The following GPHN variants were observed in gnomAD, a reference collection of about 807,000 sequenced individuals.
The protein encoded by GPHN is gephyrin.
In GPHN, 17 loss-of-function variants were observed where a neutral mutation model predicts 95.5. The observed-to-expected ratio is 0.18, with a 90% CI of 0.12 to 0.27. The LOEUF is 0.27. GPHN is among the 10% of genes least tolerant of loss of function. The pLI, the probability that GPHN is intolerant of heterozygous loss-of-function variation, is 1.00. For missense variants in GPHN, 660 were observed against 978.1 expected, an observed-to-expected ratio of 0.67 and a Z score of 4.34; for synonymous variants, 320 against 322.5, an observed-to-expected ratio of 0.99 and a Z score of 0.08.
rs554632423 is a variant in GPHN at position 66,621,426 on chromosome 14, ATCT to A, written c.65-59679_65-59677del. Among the ~76,000 whole-genome samples, 267 of 122,432 alleles carry A rather than the reference ATCT, an allele frequency of 2.2e-3. 1 individual carries two copies. Among genetic ancestry groups the A allele is most frequent in the African/African-American group, 0.011 (255 of 23,054 alleles). 80.3% of individuals were successfully genotyped at this position (122,432 alleles called of 152,430 possible). A position where few individuals can be genotyped will look rare whatever the true frequency, so the allele number is the denominator to read the frequency against. On this transcript the variant is annotated intron_variant, in intron 1 of 22. Transcript: ENST00000478722. ...CACAGTGCCTGGCCAGGGCTGTCAA[ATCT>A]TTTTTTTTTTTTTGAGACAGAGTCT...
the GPHN span, among the ~76,000 whole-genome samples, chr14:67,323,246 T>TGG: frequency 7.1e-6 from 1 of 141,754 alleles, no homozygotes; most frequent in African/African-American, 2.9e-5. Context: ...TGTGTGTGTG[T>TGG]GTGTGTGTGT....
chr14:67,698,324 G>A, the GPHN span, among the ~76,000 whole-genome samples: 2 of 152,198 alleles, frequency 1.3e-5, no homozygotes, highest in African/African-American at 4.8e-5. Context: ...AAATTAGCTA[G>A]GCATGGTGGT....
chr14:67,678,186 C>T, the GPHN span: 1 of 619,576 alleles, frequency 1.6e-6, no homozygotes, highest in Non-Finnish European at 2.9e-6. Flanking sequence ...TTTAACTGGA[C>T]ACCAAGCAGG....
the GPHN span, among the ~76,000 whole-genome samples, chr14:67,527,988 G>A: frequency 6.6e-5 from 10 of 152,242 alleles, no homozygotes; most frequent in African/African-American, 1.7e-4. Context: ...ACTCCTCCAC[G>A]CTCTCCCTCT....
chr14:67,147,994 A>C (rs189969053), intron 18 of GPHN, among the ~76,000 whole-genome samples: 1 of 152,306 alleles, frequency 6.6e-6, no homozygotes, highest in Admixed American at 6.5e-5. Flanking sequence ...TAAGAAAAGC[A>C]CATTTTTTCC....
chr14:67,562,377 C>T, the GPHN span: 1 of 1,613,488 alleles, frequency 6.2e-7, no homozygotes, highest in Non-Finnish European at 8.5e-7. Context: ...TCTGGGGAAA[C>T]AGTAGAGGCC....
At chr14:67,656,653 C>T in the GPHN span, 1 of 1,502,350 alleles carries the variant, frequency 6.7e-7, no homozygotes. Flanking sequence ...CCAGCATATT[C>T]CTCATCACCT....
chr14:67,627,720 A>G, the GPHN span, among the ~76,000 whole-genome samples: 4 of 152,300 alleles, frequency 2.6e-5, no homozygotes, highest in South Asian at 8.3e-4. Flanking sequence ...AGATTGCTTG[A>G]GGCCAGGAGT....
At chr14:67,148,562 T>C (rs1288472136) in intron 18 of GPHN, among the ~76,000 whole-genome samples, 1 of 144,072 alleles carries the variant, frequency 6.9e-6, no homozygotes, top group Non-Finnish European at 1.5e-5. Flanking sequence ...TATTTGCTTT[T>C]TTTTTTTTTT....
At chr14:67,141,337 A>G (rs1286277508) in intron 17 of GPHN, among the ~76,000 whole-genome samples, 8 of 152,192 alleles carry the variant, frequency 5.3e-5, no homozygotes, top group Admixed American at 3.9e-4. Context: ...GTCCCAGTCT[A>G]TGATTTTCTT....
intron 17 of GPHN, among the ~76,000 whole-genome samples, chr14:67,132,661 C>A (rs954703882): frequency 1.3e-5 from 2 of 151,922 alleles, no homozygotes; most frequent in African/African-American, 4.8e-5. Context: ...CCTCCTTTAT[C>A]TTTAAGCGTT....
At chr14:67,498,797 C>G in the GPHN span, among the ~76,000 whole-genome samples, 2 of 151,818 alleles carry the variant, frequency 1.3e-5, no homozygotes, top group Admixed American at 1.3e-4. Context: ...TCTCGAGTAG[C>G]TGAGATTATA....
the GPHN span, among the ~76,000 whole-genome samples, chr14:67,567,309 T>TA: frequency 4.6e-5 from 7 of 152,314 alleles, no homozygotes; most frequent in Admixed American, 4.6e-4. Flanking sequence ...TTATGTATCT[T>TA]AGAGTTTGGA....
chr14:66,743,749 A>G (rs908454974), intron 2 of GPHN, among the ~76,000 whole-genome samples: 3 of 152,064 alleles, frequency 2.0e-5, no homozygotes, highest in Non-Finnish European at 4.4e-5. Flanking sequence ...CTCAAAAAAC[A>G]ACAACAACAA....
At chr14:67,331,746 T>G in the GPHN span, among the ~76,000 whole-genome samples, 1 of 152,190 alleles carries the variant, frequency 6.6e-6, no homozygotes, top group African/African-American at 2.4e-5. Context: ...TCATTTTCAT[T>G]TCAACTCCAA....
the GPHN span, chr14:67,200,068 C>A: frequency 1.0e-6 from 1 of 959,152 alleles, no homozygotes. Flanking sequence ...ACCACCCCAA[C>A]CACCACCTGG....
chr14:67,058,236 C>T (rs1372181058), intron 10 of GPHN, among the ~76,000 whole-genome samples: 1 of 152,158 alleles, frequency 6.6e-6, no homozygotes, highest in Non-Finnish European at 1.5e-5. Flanking sequence ...AAAATTCTGT[C>T]TAGCAATAAA....
chr14:66,759,321 A>C (rs2058679294), intron 2 of GPHN, among the ~76,000 whole-genome samples: 2 of 151,220 alleles, frequency 1.3e-5, no homozygotes, highest in Non-Finnish European at 3.0e-5. Flanking sequence ...TGTGTAGACA[A>C]GGTATGAGGC....
chr14:67,290,018 C>T, the GPHN span, among the ~76,000 whole-genome samples: 23,511 of 151,928 alleles, frequency 0.15, 3,435 homozygotes, highest in East Asian at 0.42. Flanking sequence ...ATGATCCACC[C>T]GCCTTGGTCT....
Sources: allele counts gnomAD v4.1 joint callset (sites outside exome capture counted in the v4.1 genomes callset), GRCh38; gene constraint gnomAD v4.1.1; transcripts MANE v1.5; gene names NCBI Gene and HGNC (gene_info 2026-07-23, HGNC 2026-07-21).